Variants in TECPR1 observed in about 807,000 individuals in gnomAD.
TECPR1 encodes the protein tectonin beta-propeller repeat containing 1, also known as tectonin beta-propeller repeat-containing protein 1.
In TECPR1, 122 loss-of-function variants were observed where a neutral mutation model predicts 162.4. That is an observed-to-expected ratio of 0.75 (90% CI 0.65 to 0.87). The LOEUF is 0.87. TECPR1 is among the 40% of genes least tolerant of loss of function. The pLI is 0.00. For synonymous variants in TECPR1, 642 were observed against 670.6 expected, an observed-to-expected ratio of 0.96 and a Z score of 0.66; for missense variants, 1,432 against 1,618.2, an observed-to-expected ratio of 0.88 and a Z score of 1.97.
intron 22 of TECPR1, 150 bp downstream of exon 22, chr7:98,222,236 C>T (rs1208855673): frequency 1.7e-6 from 2 of 1,200,322 alleles, no homozygotes; most frequent in Non-Finnish European, 2.3e-6. Flanking sequence ...CCAGGGTGAC[C>T]ACCTCCCAGT....
At chr7:98,242,785 A>G (rs1798789874) in intron 6 of TECPR1, among the ~76,000 whole-genome samples, 1 of 111,638 alleles carries the variant, frequency 9.0e-6, no homozygotes, top group Non-Finnish European at 1.7e-5. Context: ...CCACCCATCC[A>G]TCCATCCATC....
Position 98,246,044 on chromosome 7 carries a change from A to G in TECPR1, c.103T>C (p.Phe35Leu). 1 of 1,582,716 alleles carries G rather than the reference A, an allele frequency of 6.3e-7. No individual in the cohort carries two copies. Among genetic ancestry groups the G allele is most frequent in the Non-Finnish European group, 8.6e-7 (1 of 1,165,330 alleles). Reference sequence around the variant, plus strand: ...TGCGTGGTGGCGCTGACGCGCTTGAACTCCAGCTGGGAGTCCTTGCACATT... The same window carrying G: ...TGCGTGGTGGCGCTGACGCGCTTGAGCTCCAGCTGGGAGTCCTTGCACATT... Reference protein sequence around the residue: ...WEMCKDSQLEFKRVSATTQCC... With the variant: ...WEMCKDSQLELKRVSATTQCC... The change falls in exon 3 of 26, where the codon TTC (phenylalanine) becomes CTC (leucine). Residue 35 changes from phenylalanine to leucine, a missense_variant. Transcript: ENST00000447648.
chr7:98,228,522 CAG>C (rs1384098308), intron 16 of TECPR1: 2 of 244,554 alleles, frequency 8.2e-6, no homozygotes, highest in African/African-American at 4.3e-5. Context: ...AAAATGAAGA[CAG>C]AGGTCATTCC....
Position 98,231,803 on chromosome 7 carries a change from CCTT to C in TECPR1, c.1972_1974del (p.Lys658del), listed in dbSNP as rs772322918. The C allele has an allele frequency of 6.2e-7, 1 of 1,610,618 alleles. No homozygotes were observed. The highest frequency in any genetic ancestry group is 1.7e-5 in the Admixed American group (1 of 59,922). ...CCATCTCCTGTGGGACCCGTGGGCA[CCTT>C]CTTCTCCTCGTGGACCACATAGTAG... On this transcript the variant is annotated inframe_deletion and splice_region_variant, in exon 13 of 26. Transcript: ENST00000447648.
chr7:98,241,377 G>A lies in TECPR1; in HGVS notation c.658-133C>T, dbSNP rs577811382. On this transcript the variant is annotated intron_variant, in intron 6 of 25. Transcript: ENST00000447648. This position sits in a 1 kb window ranked among gnomAD's most constrained non-coding sequence, Gnocchi z 5.0. ...GATCTCACTCCCTGCCCCCTACCCC[G>A]GCCAAAAAACGCAAACCCTGGATTC... 24 of 1,144,816 alleles carry A rather than the reference G, an allele frequency of 2.1e-5. No individual in the cohort carries two copies. Among genetic ancestry groups the A allele is most frequent in the Admixed American group, 2.0e-4 (8 of 39,260 alleles). The allele number at this position is 1,144,816 out of a possible 1,614,324, so 70.9% of individuals were successfully genotyped here.
intron 5 of TECPR1, among the ~76,000 whole-genome samples, chr7:98,244,254 G>A (rs1434894084): frequency 2.0e-5 from 3 of 152,224 alleles, no homozygotes; most frequent in Admixed American, 1.3e-4. Context: ...GCTAGAGCCA[G>A]AGGTGCCTCC....
At chr7:98,240,481 G>A (rs1026694146) in intron 8 of TECPR1, among the ~76,000 whole-genome samples, 2 of 151,996 alleles carry the variant, frequency 1.3e-5, no homozygotes, top group African/African-American at 4.8e-5. Context: ...GTGCTATAGT[G>A]CAATCTTGGC....
At chr7:98,246,601 A>G in intron 2 of TECPR1, among the ~76,000 whole-genome samples, 1 of 148,506 alleles carries the variant, frequency 6.7e-6, no homozygotes, top group East Asian at 2.1e-4. Flanking sequence ...TATTTTTTTG[A>G]GACGGAGTCT....
intron 23 of TECPR1, 43 bp downstream of exon 23, chr7:98,221,618 T>G: frequency 1.3e-6 from 2 of 1,576,628 alleles, no homozygotes; most frequent in Non-Finnish European, 1.7e-6. Context: ...TGAGCCACCA[T>G]GCCCAGCCAA....
chr7:98,217,255 A>G lies in TECPR1; in HGVS notation c.*135T>C, dbSNP rs1026079854. On this transcript the variant is annotated 3_prime_UTR_variant, in exon 26 of 26. Coordinates refer to ENST00000447648, the MANE Select transcript of TECPR1 (RefSeq NM_015395.3). ...CAGCCAGTGCCTCTGAAGTGGCCGC[A>G]GCCTTGGGGCCAGGTTCCCTCCTGA... 22 of 636,884 alleles carry G rather than the reference A, an allele frequency of 3.5e-5. No individual in the cohort carries two copies. The African/African-American group carries it at 3.7e-4, about 11-fold the overall frequency. The allele number at this position is 636,884 out of a possible 1,614,324, so 39.5% of individuals were successfully genotyped here. A position where few individuals can be genotyped will look rare whatever the true frequency, so the allele number is the denominator to read the frequency against.
intron 21 of TECPR1, chr7:98,222,724 GCCC>G: frequency 1.2e-6 from 1 of 802,242 alleles, no homozygotes; most frequent in South Asian, 1.7e-5. Context: ...CAGGGAAAGC[GCCC>G]CCGTGGGCGT....
At chr7:98,245,827 A>C in intron 3 of TECPR1, 95 bp downstream of exon 3, 1 of 1,148,014 alleles carries the variant, frequency 8.7e-7, no homozygotes, top group Non-Finnish European at 1.2e-6. Flanking sequence ...CTGGTGGGGA[A>C]TCTGGGGCCT....
At chr7:98,225,158 C>T in intron 17 of TECPR1, 56 bp from the exon 18 acceptor site, 1 of 1,471,192 alleles carries the variant, frequency 6.8e-7, no homozygotes, top group Non-Finnish European at 9.3e-7. Flanking sequence ...AACTGGCTCA[C>T]TCAGACACCC....
intron 23 of TECPR1, among the ~76,000 whole-genome samples, chr7:98,221,092 A>G (rs1409513816): frequency 6.7e-6 from 1 of 150,358 alleles, no homozygotes; most frequent in Non-Finnish European, 1.5e-5. Context: ...ACTTGAGGTC[A>G]GGAGTTTGAG....
rs569346066 is a variant in TECPR1, at chr7:98,216,177, C to T, written c.*1213G>A. 6.6e-6 allele frequency: 1 copy of T among 152,348 alleles called. No homozygotes were observed. The highest frequency in any genetic ancestry group is 2.1e-4 in the South Asian group (1 of 4,840). The allele number at this position is 152,348 out of a possible 1,614,324, so 9.4% of individuals were successfully genotyped here. A position where few individuals can be genotyped will look rare whatever the true frequency, so the allele number is the denominator to read the frequency against. ...TGGGGTCGGGGCCACTTGGCCGACA[C>T]CTTCTGCCTCGCCTGGCCGGGCCGG... On this transcript the variant is annotated 3_prime_UTR_variant, in exon 26 of 26. Coordinates refer to ENST00000447648, the MANE Select transcript of TECPR1 (RefSeq NM_015395.3).
rs1402108140 is a variant in TECPR1, at chr7:98,216,052, G to A, written c.*1338C>T. On this transcript the variant is annotated 3_prime_UTR_variant, in exon 26 of 26. Coordinates refer to ENST00000447648, the MANE Select transcript of TECPR1 (RefSeq NM_015395.3). ...CCTCTCCAACCGAGCAGAGCCTGGG[G>A]TTGGGCTCTGATGACCTCCCGGGCA... 1 of 152,296 alleles carries A rather than the reference G, an allele frequency of 6.6e-6. No homozygotes were observed. Among genetic ancestry groups the A allele is most frequent in the African/African-American group, 2.4e-5 (1 of 41,462 alleles). 9.4% of individuals were successfully genotyped at this position (152,296 alleles called of 1,614,324 possible). A position where few individuals can be genotyped will look rare whatever the true frequency, so the allele number is the denominator to read the frequency against.
At chr7:98,251,206 T>G (rs377715568) in intron 2 of TECPR1, 188 bp downstream of exon 2, 1 of 152,162 alleles carries the variant, frequency 6.6e-6, no homozygotes, top group Non-Finnish European at 1.5e-5. Flanking sequence ...TTCTACAAGA[T>G]GAATTTGAGT....
intron 19 of TECPR1, 127 bp downstream of exon 19, chr7:98,224,674 G>A: frequency 1.1e-6 from 1 of 907,736 alleles, no homozygotes; most frequent in Non-Finnish European, 1.6e-6. Flanking sequence ...GGCACCAGGG[G>A]TCTGCTCCTT....
At chr7:98,250,650 A>AAAC (rs537337669) in intron 2 of TECPR1, among the ~76,000 whole-genome samples, 2,358 of 152,102 alleles carry the variant, frequency 0.016, 69 homozygotes, top group African/African-American at 0.052. Flanking sequence ...AAAGGAAAAC[A>AAAC]AACAACAACA....
Sources: gnomAD v4.1 joint callset for allele counts (sites outside exome capture counted in the v4.1 genomes callset) on GRCh38, gnomAD v4.1.1 for gene constraint, Gnocchi (gnomAD v3.1) non-coding constraint, MANE v1.5 for transcripts, NCBI Gene and HGNC (gene_info 2026-07-23, HGNC 2026-07-21) for gene names.